RPL4: variants seen among roughly 807,000 people sequenced by gnomAD.
The protein encoded by RPL4 is large ribosomal subunit protein uL4.
A neutral mutation model predicts 47.7 loss-of-function variants in RPL4; 3 were observed. That is an observed-to-expected ratio of 0.06 (90% confidence interval 0.03 to 0.16). The LOEUF is 0.16. Among genes scored for constraint, RPL4 ranks in the 10% least tolerant of loss-of-function variants. RPL4 has a pLI of 1.00. For synonymous variants in RPL4, 208 were observed against 182.1 expected (o/e 1.14, Z -1.15); for missense variants, 413 against 551.3 (o/e 0.75, Z 2.51).
Position 66,502,818 on chromosome 15 carries a change from G to A in RPL4, c.283-68C>T, listed in dbSNP as rs776511317. On this transcript the variant is annotated intron_variant, in intron 3 of 9. Transcript: ENST00000307961. ...TTACAACAAGGTTATTTCTTGCTCA[G>A]TAAGAATTTTCGTCAACCTTCTGTA... The A allele has an allele frequency of 1.1e-5, 18 of 1,611,146 alleles. No homozygotes were observed. The East Asian group carries it at 2.7e-4, about 24-fold the overall frequency.
At chr15:66,502,245 A>T (rs920119370) in intron 4 of RPL4, 1 of 392,662 alleles carries the variant, frequency 2.5e-6, no homozygotes, top group Admixed American at 4.3e-5. Context: ...AGTATTTAGT[A>T]AAGGATTAAA....
rs562367052 is a variant in RPL4 at position 66,502,470 on chromosome 15, A to G, written c.421+142T>C. 9 of 923,614 alleles carry G rather than the reference A, an allele frequency of 9.7e-6. No homozygotes were observed. The East Asian group carries it at 1.3e-4, about 14-fold the overall frequency. The allele number at this position is 923,614 out of a possible 1,614,324, so 57.2% of individuals were successfully genotyped here. On this transcript the variant is annotated intron_variant, in intron 4 of 9. Transcript: ENST00000307961. ...GTGTAACTGGAATATCCATGAACTA[A>G]AATATTTTATGCTAAAAACATTCAA...
At chr15:66,502,555 C>T in intron 4 of RPL4, 57 bp downstream of exon 4, 1 of 1,560,458 alleles carries the variant, frequency 6.4e-7, no homozygotes, top group Non-Finnish European at 8.7e-7. Context: ...CCCTAATGAT[C>T]AAATAGTAGG....
rs981494042 is a variant in RPL4 at position 66,504,656 on chromosome 15, G to GA, written c.3+131dup. 2.5e-5 allele frequency: 34 copies of GA among 1,367,540 alleles called. 1 individual carries two copies. In the African/African-American group the frequency reaches 4.9e-4, roughly 20 times the overall value. The allele number at this position is 1,367,540 out of a possible 1,614,324, so 84.7% of individuals were successfully genotyped here. A position where few individuals can be genotyped will look rare whatever the true frequency, so the allele number is the denominator to read the frequency against. On this transcript the variant is annotated intron_variant, in intron 1 of 9. Coordinates refer to ENST00000307961, the MANE Select transcript of RPL4 (RefSeq NM_000968.4). ...CGCCGCACATCCCAGTTCCACACCA[G>GA]AAAAAGACGCCTTTGGTCCTCATCT... is the stretch of plus-strand genomic sequence containing the variant.
At chr15:66,499,799 G>C (rs1041830867) in intron 9 of RPL4, 147 bp from the exon 10 acceptor site, 30 of 1,115,218 alleles carry the variant, frequency 2.7e-5, no homozygotes, top group African/African-American at 4.7e-5. Flanking sequence ...CGAGGCAGGT[G>C]AATCACCTGA....
Position 66,500,938 on chromosome 15 carries a change from A to C in RPL4, c.833+11T>G. On this transcript the variant is annotated intron_variant, in intron 7 of 9. Transcript: ENST00000307961. ...ATAAACATCTGTGCTTAGTATATGAAAGATACTTACTTGTAGTTACTCTTG... is the reference window on the plus strand; with the variant it reads ...ATAAACATCTGTGCTTAGTATATGACAGATACTTACTTGTAGTTACTCTTG... The C allele has an allele frequency of 1.2e-6, 2 of 1,612,706 alleles. No homozygotes were observed. Among genetic ancestry groups the C allele is most frequent in the Non-Finnish European group, 1.7e-6 (2 of 1,179,440 alleles).
intron 7 of RPL4, 161 bp downstream of exon 7, chr15:66,500,788 A>C (rs1893594845): frequency 1.2e-6 from 1 of 830,510 alleles, no homozygotes; most frequent in Admixed American, 3.1e-5. Context: ...TCTCAAAAAC[A>C]AAACAAAAAA....
rs765751540 is a variant in RPL4, at chr15:66,500,413, A to T, written c.834-37T>A. 7.0e-6 allele frequency: 11 copies of T among 1,575,144 alleles called. No individual in the cohort carries two copies. In the Admixed American group the frequency reaches 1.9e-4, roughly 27 times the overall value. ...AAGATTGACATGTACATGTAAAAGT[A>T]ATCAACCAAAGAACAGGAAGCTCAA... On this transcript the variant is annotated intron_variant, in intron 7 of 9. Coordinates refer to ENST00000307961, the MANE Select transcript of RPL4 (RefSeq NM_000968.4).
chr15:66,499,091 C>T lies in RPL4; in HGVS notation c.*316G>A. 1 of 250,804 alleles carries T rather than the reference C, an allele frequency of 4.0e-6. No individual in the cohort carries two copies. The highest frequency in any genetic ancestry group is 5.1e-5 in the Admixed American group (1 of 19,760). The allele number at this position is 250,804 out of a possible 1,614,324, so 15.5% of individuals were successfully genotyped here. A position where few individuals can be genotyped will look rare whatever the true frequency, so the allele number is the denominator to read the frequency against. ...CTGGTGGGGAGCTAAACTTGAACAGCCTCTGCGTTTCTGACCAAGTCCTGT... is the reference window on the plus strand; with the variant it reads ...CTGGTGGGGAGCTAAACTTGAACAGTCTCTGCGTTTCTGACCAAGTCCTGT... On this transcript the variant is annotated 3_prime_UTR_variant, in exon 10 of 10. Coordinates refer to ENST00000307961, the MANE Select transcript of RPL4 (RefSeq NM_000968.4).
chr15:66,501,198 G>C (rs969306747), intron 6 of RPL4, 93 bp from the exon 7 acceptor site: 2 of 1,568,462 alleles, frequency 1.3e-6, no homozygotes, highest in Admixed American at 3.3e-5. Context: ...AGGTACCTGA[G>C]AACTTATTAA....
rs775480538 is a variant in RPL4, at chr15:66,504,803, A to T, written c.-13T>A. ...TTCCACTCACCATGGCGGAGAGAGG[A>T]GACAGCCACGCTCCTCTCAGCCCGG... On this transcript the variant is annotated 5_prime_UTR_variant, in exon 1 of 10. Transcript: ENST00000307961. 2.5e-6 allele frequency: 4 copies of T among 1,611,584 alleles called. No homozygotes were observed. Among genetic ancestry groups the T allele is most frequent in the Admixed American group, 1.7e-5 (1 of 59,796 alleles).
chr15:66,503,659 A>G (rs1893676965), intron 1 of RPL4, 130 bp from the exon 2 acceptor site: 2 of 857,502 alleles, frequency 2.3e-6, no homozygotes, highest in Non-Finnish European at 3.5e-6. Flanking sequence ...CAACCCTTAA[A>G]CCAAAATAGC....
chr15:66,503,612 T>A lies in RPL4; in HGVS notation c.4-83A>T, dbSNP rs926452196. ...CTCATACGCCAACAATACCATTAAATACTCAATTGCAGAAGAGACTGGTAT... is the reference window on the plus strand; with the variant it reads ...CTCATACGCCAACAATACCATTAAAAACTCAATTGCAGAAGAGACTGGTAT... On this transcript the variant is annotated intron_variant, in intron 1 of 9. Coordinates refer to ENST00000307961, the MANE Select transcript of RPL4 (RefSeq NM_000968.4). The A allele has an allele frequency of 3.6e-6, 5 of 1,395,770 alleles. No homozygotes were observed. In the African/African-American group the frequency reaches 7.2e-5, roughly 20 times the overall value. The allele number at this position is 1,395,770 out of a possible 1,614,324, so 86.5% of individuals were successfully genotyped here.
rs1018624219 is a variant in RPL4 at position 66,503,589 on chromosome 15, C to T, written c.4-60G>A. The T allele has an allele frequency of 2.0e-6, 3 of 1,494,164 alleles. No individual in the cohort carries two copies. In the Admixed American group the frequency reaches 6.5e-5, roughly 32 times the overall value. The allele number at this position is 1,494,164 out of a possible 1,614,324, so 92.6% of individuals were successfully genotyped here. A position where few individuals can be genotyped will look rare whatever the true frequency, so the allele number is the denominator to read the frequency against. ...AGTAATGTTTGAAGCAAACTCTTCT[C>T]ATACGCCAACAATACCATTAAATAC... On this transcript the variant is annotated intron_variant, in intron 1 of 9. Coordinates refer to ENST00000307961, the MANE Select transcript of RPL4 (RefSeq NM_000968.4).
intron 1 of RPL4, 59 bp downstream of exon 1, chr15:66,504,729 A>G: frequency 6.2e-7 from 1 of 1,603,040 alleles, no homozygotes; most frequent in Non-Finnish European, 8.5e-7. Context: ...CGAACCCCAA[A>G]TCCTTCCTTA....
chr15:66,501,686 T>A, intron 5 of RPL4, 102 bp downstream of exon 5: 2 of 1,535,470 alleles, frequency 1.3e-6, no homozygotes, highest in Non-Finnish European at 1.8e-6. Flanking sequence ...TCTTGTTCTC[T>A]CACACATTAA....
rs1004121045 is a variant in RPL4, at chr15:66,498,054, C to A, written c.*1353G>T. The A allele has an allele frequency of 8.8e-6, 3 of 341,704 alleles. No individual in the cohort carries two copies. Among genetic ancestry groups the A allele is most frequent in the South Asian group, 5.4e-5 (1 of 18,532 alleles). The allele number at this position is 341,704 out of a possible 1,614,324, so 21.2% of individuals were successfully genotyped here. On this transcript the variant is annotated 3_prime_UTR_variant, in exon 10 of 10. Transcript: ENST00000307961. ...CCTTTAATCCGATAGGCCATTTGCG[C>A]ACCAAGTGGTCAAACACCGTTTCAA...
rs1893672312 is a variant in RPL4 at position 66,503,549 on chromosome 15, T to C, written c.4-20A>G. On this transcript the variant is annotated intron_variant, in intron 1 of 9. Coordinates refer to ENST00000307961, the MANE Select transcript of RPL4 (RefSeq NM_000968.4). ...ACACGCCTAAAGAAAAAGACAAGGA[T>C]TATTTTTATTGACAAGTAATGTTTG... is the stretch of plus-strand genomic sequence containing the variant. 3 of 1,571,628 alleles carry C rather than the reference T, an allele frequency of 1.9e-6. No homozygotes were observed. In the East Asian group the frequency reaches 6.8e-5, roughly 36 times the overall value.
At position 66,500,193 on chromosome 15, in the gene RPL4, A is replaced by G. The variant is rs1394158667; in HGVS notation, c.918-17T>C. On this transcript the variant is annotated splice_polypyrimidine_tract_variant and intron_variant, in intron 8 of 9. Transcript: ENST00000307961. ...ATCTTCTTGCTATAAAAAAGCAGAT[A>G]CTGTATCAACATTTTACTTAACATT... The G allele has an allele frequency of 3.1e-6, 5 of 1,613,792 alleles. No homozygotes were observed. The highest frequency in any genetic ancestry group is 1.1e-5 in the South Asian group (1 of 91,032).
Sources: gnomAD v4.1 joint callset for allele counts on GRCh38, gnomAD v4.1.1 for gene constraint, MANE v1.5 for transcripts, NCBI Gene and HGNC (gene_info 2026-07-23, HGNC 2026-07-21) for gene names.